The following SIX5 variants were observed in gnomAD, a reference collection of about 807,000 sequenced individuals.
SIX5 encodes the protein SIX homeobox 5.
In SIX5, 21 loss-of-function variants were observed where a neutral mutation model predicts 37.1. The observed-to-expected ratio is 0.57, with a 90% CI of 0.40 to 0.81. SIX5 has a LOEUF of 0.81. Among genes scored for constraint, SIX5 ranks in the 40% least tolerant of loss-of-function variants. The pLI is 0.00. For synonymous variants in SIX5, 626 were observed against 505.9 expected (o/e 1.24, Z -3.19); for missense variants, 1,137 against 1,025.1 (o/e 1.11, Z -1.49).
At position 45,768,647 on chromosome 19, in the gene SIX5, G is replaced by A; in HGVS notation, c.198C>T (p.Ser66=). 7.9e-7 allele frequency: 1 copy of A among 1,272,986 alleles called. No homozygotes were observed. Among genetic ancestry groups the A allele is most frequent in the Non-Finnish European group, 9.8e-7 (1 of 1,018,662 alleles). 78.9% of individuals were successfully genotyped at this position (1,272,986 alleles called of 1,614,324 possible). A position where few individuals can be genotyped will look rare whatever the true frequency, so the allele number is the denominator to read the frequency against. Residue 66 remains serine (S), a synonymous_variant, in exon 1 of 3, where the codon TCC becomes TCT. Coordinates refer to ENST00000317578, the MANE Select transcript of SIX5 (RefSeq NM_175875.5). The stretch of plus-strand genomic sequence containing the variant: ...CGGGGGGCGACCCGGGGACGCCCGG[G>A]GATCCCGGGCCCTCAGCTCCCGCAG... The part of the protein sequence containing the change: ...AAAAGAEGPG[S]PGVPGSPPEA...
At chr19:45,767,303 C>A in intron 1 of SIX5, 148 bp from the exon 2 acceptor site, 1 of 803,676 alleles carries the variant, frequency 1.2e-6, no homozygotes, top group Non-Finnish European at 2.0e-6. Flanking sequence ...ACTCCAAACT[C>A]CAGGGCCTTT....
intron 1 of SIX5, chr19:45,767,726 G>A (rs1165097810): frequency 6.6e-6 from 3 of 452,000 alleles, no homozygotes; most frequent in Middle Eastern, 5.7e-4. Context: ...GAGTGGAGTG[G>A]CCACAGGCCC....
In SIX5 at chr19:45,766,966, G is replaced by A. The variant is rs760311721; in HGVS notation, c.993C>T (p.Ser331=). 15 of 1,591,818 alleles carry A rather than the reference G, an allele frequency of 9.4e-6. No individual in the cohort carries two copies. The Admixed American group carries it at 2.1e-4, about 22-fold the overall frequency. The stretch of plus-strand genomic sequence containing the variant: ...CGTTGAGGAGCACTGCTGGGGAGCC[G>A]CTGGCTGCCAGGAAGCTCCCGTTCA... ...ILVNGSFLAA[S]GSPAVLLNGG... The change falls in exon 2 of 3, where the codon AGC becomes AGT. Residue 331 remains serine, a synonymous_variant. Transcript: ENST00000317578.
rs754694124 is a variant in SIX5, at chr19:45,766,859, G to A, written c.1100C>T (p.Ala367Val). 3.2e-6 allele frequency: 5 copies of A among 1,542,310 alleles called. No homozygotes were observed. Among genetic ancestry groups the A allele is most frequent in the Non-Finnish European group, 3.5e-6 (4 of 1,146,322 alleles). Reference protein sequence around the residue: ...GPLLLTGGGGAPPPQPSPQGA... With the variant: ...GPLLLTGGGGVPPPQPSPQGA... ...CTGAGGGCTGGGCTGCGGTGGAGGG[G>A]CACCCCCGCCCCCAGTGAGCAGCAG... Residue 367 changes from alanine (A) to valine (V), a missense_variant, in exon 2 of 3, where the codon GCC (alanine) becomes GTC (valine). Transcript: ENST00000317578.
At chr19:45,767,873 C>T (rs994854026) in intron 1 of SIX5, 169 bp downstream of exon 1, 1 of 686,424 alleles carries the variant, frequency 1.5e-6, no homozygotes, top group Non-Finnish European at 2.4e-6. Flanking sequence ...GGTGCCTGTC[C>T]CGTCCACACT....
Position 45,768,945 on chromosome 19 carries a change from C to T in SIX5, c.-101G>A. The T allele has an allele frequency of 8.6e-7, 1 of 1,157,984 alleles. No homozygotes were observed. The highest frequency in any genetic ancestry group is 1.2e-6 in the Non-Finnish European group (1 of 824,008). 71.7% of individuals were successfully genotyped at this position (1,157,984 alleles called of 1,614,324 possible). ...CCCCCCTTTTCGCCCCCACTCCCCGCTCTTCTCGATCTTCTTTCTGGCCGA... is the reference window on the plus strand; with the variant it reads ...CCCCCCTTTTCGCCCCCACTCCCCGTTCTTCTCGATCTTCTTTCTGGCCGA... On this transcript the variant is annotated 5_prime_UTR_variant, in exon 1 of 3. Coordinates refer to ENST00000317578, the MANE Select transcript of SIX5 (RefSeq NM_175875.5).
chr19:45,766,944 T>C lies in SIX5; in HGVS notation c.1015A>G (p.Asn339Asp). The change falls in exon 2 of 3, where the codon AAC becomes GAC. Residue 339 changes from asparagine to aspartate, a missense_variant. By Grantham distance (23) the Asn-to-Asp change is conservative (BLOSUM62 1). This residue lies in a region of SIX5 where 787 missense variants were observed against 621.4 expected (regional missense o/e 1.27). Coordinates refer to ENST00000317578, the MANE Select transcript of SIX5 (RefSeq NM_175875.5). ...AASGSPAVLL[N>D]GGPVIINGLA... is the part of the protein sequence containing the mutation. ...CCGTTGATGATGACGGGGCCCCCGT[T>C]GAGGAGCACTGCTGGGGAGCCGCTG... The C allele has an allele frequency of 6.3e-7, 1 of 1,577,704 alleles. No individual in the cohort carries two copies. The highest frequency in any genetic ancestry group is 2.0e-4 in the Middle Eastern group (1 of 4,942).
At position 45,768,446 on chromosome 19, in the gene SIX5, C is replaced by A. The variant is rs746010525; in HGVS notation, c.399G>T (p.Val133=). 2 of 1,533,010 alleles carry A rather than the reference C, an allele frequency of 1.3e-6. No individual in the cohort carries two copies. Among genetic ancestry groups the A allele is most frequent in the Non-Finnish European group, 1.7e-6 (2 of 1,146,182 alleles). 95.0% of individuals were successfully genotyped at this position (1,533,010 alleles called of 1,614,324 possible). A position where few individuals can be genotyped will look rare whatever the true frequency, so the allele number is the denominator to read the frequency against. Residue 133 remains valine (V), a synonymous_variant, in exon 1 of 3, where the codon GTG becomes GTT. Coordinates refer to ENST00000317578, the MANE Select transcript of SIX5 (RefSeq NM_175875.5). The stretch of plus-strand genomic sequence containing the variant: ...CGGCGTACTCGCCCCGCTGGAAGGC[C>A]ACCAGGGCCCGCGCGCGCAACACCG... ...SDPVLRARAL[V]AFQRGEYAEL...
chr19:45,765,854 G>A lies in SIX5; in HGVS notation c.1867C>T (p.Pro623Ser), dbSNP rs201346622. ...CTGGAGGTGGTGGCAGCGGCGGGGG[G>A]TGGCTGCTGTGCAGAAAGGGTGCCT... ...ALGTLSAQQP[P>S]PAAATTSSTS... The change falls in exon 3 of 3, where the codon CCC becomes TCC. Residue 623 changes from proline to serine, a missense_variant. Pro to Ser is a moderately conservative substitution (Grantham distance 74). Coordinates refer to ENST00000317578, the MANE Select transcript of SIX5 (RefSeq NM_175875.5). The A allele has an allele frequency of 5.6e-6, 9 of 1,598,784 alleles. No homozygotes were observed. The highest frequency in any genetic ancestry group is 2.2e-5 in the South Asian group (2 of 90,856).
At position 45,765,670 on chromosome 19, in the gene SIX5, C is replaced by T. The variant is rs1568563445; in HGVS notation, c.2051G>A (p.Gly684Glu). 1 of 1,612,804 alleles carries T rather than the reference C, an allele frequency of 6.2e-7. No homozygotes were observed. Among genetic ancestry groups the T allele is most frequent in the Admixed American group, 1.7e-5 (1 of 60,028 alleles). Residue 684 changes from glycine to glutamate, a missense_variant, in exon 3 of 3, where the codon GGG becomes GAG. Around this residue, in one of 3 missense-constraint regions of SIX5, gnomAD observed 787 missense variants for 621.4 expected, o/e 1.27. Transcript: ENST00000317578. ...GGTGTGGGGGGCCTGTGTCCCCAGC[C>T]CCTTTTCCGCTTCCAGCAGCCCCTC... ...GTEGLLEAEK[G>E]LGTQAPHTVL...
Position 45,769,051 on chromosome 19 carries a change from G to C in SIX5, c.-207C>G, listed in dbSNP as rs951039844. On this transcript the variant is annotated 5_prime_UTR_variant, in exon 1 of 3. Transcript: ENST00000317578. Reference sequence around the variant, plus strand: ...CCTTGTGTGTGTCCGTCCCCCTCCCGTCTGTCTGTGATTCTCCCTTTGTTT... The same window carrying C: ...CCTTGTGTGTGTCCGTCCCCCTCCCCTCTGTCTGTGATTCTCCCTTTGTTT... 2.1e-5 allele frequency: 11 copies of C among 531,544 alleles called. No individual in the cohort carries two copies. Among genetic ancestry groups the C allele is most frequent in the Non-Finnish European group, 3.7e-5 (11 of 299,524 alleles). 32.9% of individuals were successfully genotyped at this position (531,544 alleles called of 1,614,324 possible). A position where few individuals can be genotyped will look rare whatever the true frequency, so the allele number is the denominator to read the frequency against.
Position 45,765,581 on chromosome 19 carries a change from C to T in SIX5, c.2140G>A (p.Val714Ile). Reference sequence around the variant, plus strand: ...GCCTCAGCTTCCAACCCCTCGTCAACCTCACCCCCTGCGGTGGCCCCCAGG... The same window carrying T: ...GCCTCAGCTTCCAACCCCTCGTCAATCTCACCCCCTGCGGTGGCCCCCAGG... ...LLLGATAGGE[V>I]DEGLEAEAKV... Residue 714 changes from valine to isoleucine, a missense_variant, in exon 3 of 3, where the codon GTT becomes ATT. Transcript: ENST00000317578. 2 of 1,613,360 alleles carry T rather than the reference C, an allele frequency of 1.2e-6. No homozygotes were observed. Among genetic ancestry groups the T allele is most frequent in the Non-Finnish European group, 1.7e-6 (2 of 1,180,014 alleles).
rs1443007118 is a variant in SIX5 at position 45,766,190 on chromosome 19, T to C, written c.1610-79A>G. The C allele has an allele frequency of 2.6e-6, 4 of 1,542,112 alleles. No homozygotes were observed. The African/African-American group carries it at 5.5e-5, about 21-fold the overall frequency. On this transcript the variant is annotated intron_variant, in intron 2 of 2. Transcript: ENST00000317578. The stretch of plus-strand genomic sequence containing the variant: ...CAGAGAGAAGTGGAGACTGTGCAGC[T>C]GGAGGGCGGGCGGAGGGAGCCTTGT...
At chr19:45,767,863 G>A (rs899357288) in intron 1 of SIX5, 179 bp downstream of exon 1, 25 of 627,966 alleles carry the variant, frequency 4.0e-5, no homozygotes, top group Middle Eastern at 8.6e-4. Context: ...GGCCCGGGCG[G>A]GTGCCTGTCC....
Position 45,766,587 on chromosome 19 carries a change from G to T in SIX5, c.1372C>A (p.Pro458Thr). The T allele has an allele frequency of 6.8e-7, 1 of 1,470,178 alleles. No homozygotes were observed. 91.1% of individuals were successfully genotyped at this position (1,470,178 alleles called of 1,614,324 possible). ...AGGCCCGTGGGATACCCCGGGGGTG[G>T]GGAGAGCGGTACCACTTGTGGGGCA... is the stretch of plus-strand genomic sequence containing the variant. ...VAAPQVVPLS[P>T]PPGYPTGLSP... The change falls in exon 2 of 3, where the codon CCA becomes ACA. Residue 458 changes from proline to threonine, a missense_variant. Transcript: ENST00000317578.
intron 1 of SIX5, 134 bp from the exon 2 acceptor site, chr19:45,767,289 G>A (rs937837425): frequency 7.8e-6 from 7 of 901,132 alleles, no homozygotes; most frequent in Non-Finnish European, 1.2e-5. Flanking sequence ...GCCTCTCTGA[G>A]ACCACTCCAA....
chr19:45,765,569 A>T lies in SIX5; in HGVS notation c.2152T>A (p.Leu718Met). The change falls in exon 3 of 3, where the codon TTG becomes ATG. Residue 718 changes from leucine (L) to methionine (M), a missense_variant. Physicochemically the swap from Leu to Met is conservative, Grantham distance 15. Around this residue, in one of 3 missense-constraint regions of SIX5, gnomAD observed 787 missense variants for 621.4 expected, o/e 1.27. Transcript: ENST00000317578. ...GTCAGAACCTTGGCCTCAGCTTCCA[A>T]CCCCTCGTCAACCTCACCCCCTGCG... ...ATAGGEVDEG[L>M]EAEAKVLTQL... 6.2e-7 allele frequency: 1 copy of T among 1,613,162 alleles called. No individual in the cohort carries two copies. Among genetic ancestry groups the T allele is most frequent in the Non-Finnish European group, 8.5e-7 (1 of 1,179,956 alleles).
Position 45,765,691 on chromosome 19 carries a change from C to T in SIX5, c.2030G>A (p.Gly677Glu), listed in dbSNP as rs1434791594. 6 of 1,613,084 alleles carry T rather than the reference C, an allele frequency of 3.7e-6. No homozygotes were observed. The African/African-American group carries it at 4.0e-5, about 11-fold the overall frequency. The change falls in exon 3 of 3, where the codon GGG (glycine) becomes GAG (glutamate). Residue 677 changes from glycine to glutamate, a missense_variant. Transcript: ENST00000317578. ...AGLELSAGTE[G>E]LLEAEKGLGT... ...CAGCCCCTTTTCCGCTTCCAGCAGC[C>T]CCTCTGTTCCTGCGCTTAGTTCCAG...
rs1969043980 is a variant in SIX5 at position 45,765,214 on chromosome 19, G to A, written c.*287C>T. 5.5e-6 allele frequency: 3 copies of A among 541,254 alleles called. No individual in the cohort carries two copies. The highest frequency in any genetic ancestry group is 2.0e-5 in the South Asian group (1 of 49,188). The allele number at this position is 541,254 out of a possible 1,614,324, so 33.5% of individuals were successfully genotyped here. A position where few individuals can be genotyped will look rare whatever the true frequency, so the allele number is the denominator to read the frequency against. On this transcript the variant is annotated 3_prime_UTR_variant, in exon 3 of 3. Coordinates refer to ENST00000317578, the MANE Select transcript of SIX5 (RefSeq NM_175875.5). ...CGCTTACAGCTAGTACCAAGTGGAG[G>A]GGGCAGGGCCCCTGAGTCAGGACCC... is the stretch of plus-strand genomic sequence containing the variant.
Sources: allele counts gnomAD v4.1 joint callset, GRCh38; gene constraint gnomAD v4.1.1; regional missense constraint gnomAD v4.1.1; transcripts MANE v1.5; gene names NCBI Gene and HGNC (gene_info 2026-07-23, HGNC 2026-07-21).